Variants in PDE4B observed in about 807,000 individuals in gnomAD.
PDE4B encodes the protein 3',5'-cyclic-AMP phosphodiesterase 4B.
Under a neutral mutation model 82.2 loss-of-function variants are expected in PDE4B, and 20 were observed. That is an observed-to-expected ratio of 0.24 (90% CI 0.17 to 0.35). The LOEUF is 0.35. PDE4B is among the 10% of genes least tolerant of loss of function. The pLI, the probability that PDE4B is intolerant of heterozygous loss-of-function variation, is 1.00. For synonymous variants in PDE4B, 320 were observed against 318.9 expected, an observed-to-expected ratio of 1.00 and a Z score of -0.04; for missense variants, 655 against 907.2, an observed-to-expected ratio of 0.72 and a Z score of 3.57.
At chr1:65,812,508 G>C (rs1043638459) in intron 1 of PDE4B, among the ~76,000 whole-genome samples, 8 of 152,308 alleles carry the variant, frequency 5.3e-5, no homozygotes, top group African/African-American at 1.9e-4. Flanking sequence ...CTATAGGTTG[G>C]TGGCATTAAA....
chr1:66,361,895 AT>A (rs1468652466), intron 10 of PDE4B, 102 bp downstream of exon 10: 2 of 947,680 alleles, frequency 2.1e-6, no homozygotes, highest in Non-Finnish European at 3.1e-6. Flanking sequence ...TTGCATTATT[AT>A]TACATTTTGT....
chr1:66,019,111 T>C (rs1444559560), intron 3 of PDE4B, among the ~76,000 whole-genome samples: 1 of 152,146 alleles, frequency 6.6e-6, no homozygotes, highest in Non-Finnish European at 1.5e-5. Context: ...ATGAAAACTT[T>C]CAGTGGCAGT....
intron 3 of PDE4B, among the ~76,000 whole-genome samples, chr1:66,037,125 C>CAA (rs71058446): frequency 0.078 from 6,781 of 86,430 alleles, 370 homozygotes; most frequent in East Asian, 0.32. Context: ...GACTCTGCCT[C>CAA]AAAAAAAAAA....
chr1:66,028,357 C>A (rs1653568201), intron 3 of PDE4B, among the ~76,000 whole-genome samples: 1 of 152,118 alleles, frequency 6.6e-6, no homozygotes, highest in South Asian at 2.1e-4. Context: ...GCATAGGGAA[C>A]CTGGGCCTAG....
At chr1:66,045,956 C>T (rs1423688334) in intron 3 of PDE4B, among the ~76,000 whole-genome samples, 1 of 151,652 alleles carries the variant, frequency 6.6e-6, no homozygotes, top group Non-Finnish European at 1.5e-5. Context: ...CAAATGAGAC[C>T]ATGCTAGGGA....
chr1:66,218,895 T>C (rs534315178), intron 3 of PDE4B, among the ~76,000 whole-genome samples: 6 of 152,264 alleles, frequency 3.9e-5, no homozygotes, highest in Admixed American at 2.6e-4. Context: ...AGCTGTTTTA[T>C]TGGGTTTTAA....
chr1:66,014,895 C>A (rs1382136758), intron 3 of PDE4B, among the ~76,000 whole-genome samples: 1 of 152,092 alleles, frequency 6.6e-6, no homozygotes, highest in Admixed American at 6.6e-5. Flanking sequence ...GGTTGAGGAA[C>A]CCTGGCCTAG....
At chr1:66,103,905 A>C (rs1183565136) in intron 3 of PDE4B, among the ~76,000 whole-genome samples, 1 of 152,064 alleles carries the variant, frequency 6.6e-6, no homozygotes, top group Non-Finnish European at 1.5e-5. Flanking sequence ...AAATGAAATT[A>C]AGATCGAGAG....
At chr1:66,355,259 T>C in intron 8 of PDE4B, 3 of 386,802 alleles carry the variant, frequency 7.8e-6, no homozygotes, top group Non-Finnish European at 1.4e-5. Flanking sequence ...GGAATTATCT[T>C]GACCTCTATT....
intron 1 of PDE4B, among the ~76,000 whole-genome samples, chr1:65,881,536 C>G (rs1646708768): frequency 6.6e-6 from 1 of 152,114 alleles, no homozygotes; most frequent in African/African-American, 2.4e-5. Context: ...ATCTACTTCC[C>G]AGAAAGAGCA....
At chr1:66,222,067 T>G (rs1445085776) in intron 3 of PDE4B, among the ~76,000 whole-genome samples, 1 of 152,226 alleles carries the variant, frequency 6.6e-6, no homozygotes, top group African/African-American at 2.4e-5. Context: ...CTCCTCTGTC[T>G]TTTTGTTCTA....
At chr1:66,004,928 A>G (rs961550602) in intron 3 of PDE4B, among the ~76,000 whole-genome samples, 1 of 152,074 alleles carries the variant, frequency 6.6e-6, no homozygotes, top group Non-Finnish European at 1.5e-5. Context: ...AAGAGATAAA[A>G]CAATATCACT....
chr1:66,271,971 C>G (rs1233695858), intron 7 of PDE4B, among the ~76,000 whole-genome samples: 1 of 152,216 alleles, frequency 6.6e-6, no homozygotes, highest in Non-Finnish European at 1.5e-5. Flanking sequence ...ATCTATGAAT[C>G]AACCTTTTTG....
At chr1:66,130,905 T>G (rs1484500317) in intron 3 of PDE4B, among the ~76,000 whole-genome samples, 1 of 152,242 alleles carries the variant, frequency 6.6e-6, no homozygotes, top group African/African-American at 2.4e-5. Context: ...CAGATTCTAT[T>G]TCTTGGAAAT....
intron 3 of PDE4B, among the ~76,000 whole-genome samples, chr1:66,041,749 G>A (rs1447435409): frequency 6.7e-6 from 1 of 148,216 alleles, no homozygotes; most frequent in Admixed American, 6.8e-5. Context: ...TCTCTTTCTG[G>A]GTCATGAATA....
At chr1:66,026,898 A>G (rs1202314913) in intron 3 of PDE4B, among the ~76,000 whole-genome samples, 1 of 152,234 alleles carries the variant, frequency 6.6e-6, no homozygotes, top group Non-Finnish European at 1.5e-5. Context: ...ATGTTGTAAC[A>G]TATGCCTGCA....
rs374581239 is a variant in PDE4B, at chr1:66,374,304, A to G, written c.*1626A>G. 1 of 152,672 alleles carries G rather than the reference A, an allele frequency of 6.5e-6. No homozygotes were observed. The highest frequency in any genetic ancestry group is 2.1e-4 in the South Asian group (1 of 4,836). The allele number at this position is 152,672 out of a possible 1,614,324, so 9.5% of individuals were successfully genotyped here. ...TTACGCAAATGTGAAGCCTCTTCTGATAACACTTGTTAGGCCTCTTACTGA... is the reference window on the plus strand; with the variant it reads ...TTACGCAAATGTGAAGCCTCTTCTGGTAACACTTGTTAGGCCTCTTACTGA... On this transcript the variant is annotated 3_prime_UTR_variant, in exon 17 of 17. Coordinates refer to ENST00000341517, the MANE Select transcript of PDE4B (RefSeq NM_002600.4).
chr1:66,064,612 A>C (rs1300216568), intron 3 of PDE4B, among the ~76,000 whole-genome samples: 1 of 151,914 alleles, frequency 6.6e-6, no homozygotes, highest in Non-Finnish European at 1.5e-5. Context: ...TAGAGTTCTC[A>C]TTGACTCTTT....
intron 3 of PDE4B, among the ~76,000 whole-genome samples, chr1:65,988,316 C>T (rs947736873): frequency 2.6e-5 from 4 of 152,112 alleles, no homozygotes; most frequent in Non-Finnish European, 5.9e-5. Context: ...TCTCTAGCTT[C>T]GTTTTTTAAA....
Sources: allele counts gnomAD v4.1 joint callset (sites outside exome capture counted in the v4.1 genomes callset), GRCh38; gene constraint gnomAD v4.1.1; transcripts MANE v1.5; gene names NCBI Gene and HGNC (gene_info 2026-07-23, HGNC 2026-07-21).